Variants in PTK2B observed in about 807,000 individuals in gnomAD.
PTK2B encodes the protein protein tyrosine kinase 2 beta.
A neutral mutation model predicts 142.9 loss-of-function variants in PTK2B; 71 were observed. The ratio of observed to expected loss-of-function variants is 0.50; its 90% confidence interval spans 0.41 to 0.61. The LOEUF (loss-of-function observed/expected upper bound fraction) is 0.61, where lower values mean the gene tolerates loss of function less well. Ranked by LOEUF, PTK2B falls within the 20% of genes least tolerant of loss-of-function variation. The pLI, the probability that PTK2B is intolerant of heterozygous loss-of-function variation, is 0.00. For synonymous variants in PTK2B, 519 were observed against 503.4 expected (o/e 1.03, Z -0.42); for missense variants, 1,105 against 1,320.4 (o/e 0.84, Z 2.53).
At chr8:27,421,700 A>G (rs957057572) in intron 4 of PTK2B, among the ~76,000 whole-genome samples, 1 of 152,230 alleles carries the variant, frequency 6.6e-6, no homozygotes, top group African/African-American at 2.4e-5. Context: ...GCCTATTTCA[A>G]GCTACTAATA....
chr8:27,349,115 C>T (rs938915993), intron 1 of PTK2B, among the ~76,000 whole-genome samples: 1 of 152,128 alleles, frequency 6.6e-6, no homozygotes, highest in African/African-American at 2.4e-5. Context: ...CTTCTGGTGT[C>T]CTTATTAGAA....
intron 1 of PTK2B, among the ~76,000 whole-genome samples, chr8:27,338,239 C>T (rs1433680467): frequency 6.6e-6 from 1 of 152,112 alleles, no homozygotes; most frequent in Non-Finnish European, 1.5e-5. Context: ...CCACTCAGTA[C>T]ACTGCTTTTT....
At chr8:27,369,506 C>T (rs1437361833) in intron 1 of PTK2B, among the ~76,000 whole-genome samples, 1 of 151,708 alleles carries the variant, frequency 6.6e-6, no homozygotes, top group Non-Finnish European at 1.5e-5. Context: ...CCCATCTCTA[C>T]TAAAAATACA....
intron 2 of PTK2B, among the ~76,000 whole-genome samples, chr8:27,415,394 C>T (rs991398110): frequency 6.6e-5 from 10 of 152,176 alleles, no homozygotes; most frequent in Non-Finnish European, 1.5e-5. Context: ...GCAGAGAACA[C>T]AGATTTGTTA....
At chr8:27,377,765 G>C (rs893967161) in intron 1 of PTK2B, among the ~76,000 whole-genome samples, 1 of 152,168 alleles carries the variant, frequency 6.6e-6, no homozygotes, top group Non-Finnish European at 1.5e-5. Context: ...TTCTAAACAG[G>C]TGGGCACATT....
Position 27,454,545 on chromosome 8 carries a change from C to G in PTK2B, c.2748C>G (p.Thr916=). Residue 916 remains threonine, a synonymous_variant, in exon 30 of 31, where the codon ACC becomes ACG. Coordinates refer to ENST00000346049, the MANE Select transcript of PTK2B (RefSeq NM_173176.3). Reference sequence around the variant, plus strand: ...TCTCCCCCCAGAATGTGGGGCTGACCCTGCGGAAGCTCATCGGGAGCGTGG... The same window carrying G: ...TCTCCCCCCAGAATGTGGGGCTGACGCTGCGGAAGCTCATCGGGAGCGTGG... ...YVVVVKNVGL[T]LRKLIGSVDD... 1 of 1,614,176 alleles carries G rather than the reference C, an allele frequency of 6.2e-7. No individual in the cohort carries two copies. Among genetic ancestry groups the G allele is most frequent in the Non-Finnish European group, 8.5e-7 (1 of 1,180,016 alleles).
At chr8:27,354,108 C>CT (rs1453860130) in intron 1 of PTK2B, among the ~76,000 whole-genome samples, 1 of 152,176 alleles carries the variant, frequency 6.6e-6, no homozygotes, top group African/African-American at 2.4e-5. Flanking sequence ...TGGCTTAATT[C>CT]TTTCAGAACA....
chr8:27,397,939 A>G, intron 2 of PTK2B, 151 bp downstream of exon 2: 1 of 943,122 alleles, frequency 1.1e-6, no homozygotes. Flanking sequence ...CTCAGCCTGC[A>G]TCACCAGGCC....
chr8:27,388,497 TG>T (rs1453072417), intron 1 of PTK2B, among the ~76,000 whole-genome samples: 1 of 152,244 alleles, frequency 6.6e-6, no homozygotes, highest in Non-Finnish European at 1.5e-5. Flanking sequence ...CTTGAAGTAC[TG>T]GGTGGTGCCA....
intron 5 of PTK2B, among the ~76,000 whole-genome samples, chr8:27,429,553 AAT>A (rs1810281315): frequency 6.6e-6 from 1 of 152,228 alleles, no homozygotes; most frequent in Non-Finnish European, 1.5e-5. Context: ...ATATGAGTAA[AAT>A]ATTAATAGCT....
upstream of PTK2B, chr8:27,310,815 C>A: frequency 6.3e-7 from 1 of 1,599,258 alleles, no homozygotes; most frequent in Non-Finnish European, 8.5e-7. Flanking sequence ...AAGTCGTGGG[C>A]AGTGTCCTTC....
chr8:27,379,731 A>G (rs1379239321), intron 1 of PTK2B, among the ~76,000 whole-genome samples: 1 of 152,174 alleles, frequency 6.6e-6, no homozygotes, highest in Non-Finnish European at 1.5e-5. Flanking sequence ...CCAGGTGAGA[A>G]CAGCATCGCA....
At chr8:27,432,110 A>T (rs1337282362) in intron 9 of PTK2B, 150 bp from the exon 10 acceptor site, 16 of 627,248 alleles carry the variant, frequency 2.6e-5, no homozygotes, top group Non-Finnish European at 4.1e-5. Flanking sequence ...GAACTAGAGG[A>T]TCCTTCTAGC....
intron 10 of PTK2B, among the ~76,000 whole-genome samples, chr8:27,432,819 CTCTT>C (rs771171948): frequency 1.1e-4 from 16 of 151,966 alleles, no homozygotes; most frequent in East Asian, 5.8e-4. Context: ...CCTCCCCTTC[CTCTT>C]TCTTTCTTTC....
At chr8:27,323,314 A>G (rs1803265340), upstream of PTK2B, 1 of 152,268 alleles carries the variant, frequency 6.6e-6, no homozygotes, top group Non-Finnish European at 1.5e-5. Flanking sequence ...AGCCAGGGTT[A>G]TAGACCTGAG....
intron 4 of PTK2B, 37 bp downstream of exon 4, chr8:27,420,781 A>G (rs1411961483): frequency 1.9e-6 from 3 of 1,540,130 alleles, no homozygotes; most frequent in Middle Eastern, 1.7e-4. Flanking sequence ...CGAGGCTCCC[A>G]TTACACCTCA....
intron 1 of PTK2B, among the ~76,000 whole-genome samples, chr8:27,359,883 T>C (rs1274900195): frequency 6.6e-6 from 1 of 152,158 alleles, no homozygotes; most frequent in Admixed American, 6.5e-5. Flanking sequence ...CACAAGGGTC[T>C]GGAGCCTGAA....
chr8:27,363,397 A>G lies in PTK2B; in HGVS notation c.-37-34151A>G, dbSNP rs1374221804. 6.6e-6 allele frequency among the ~76,000 whole-genome samples: 1 copy of G among 152,178 alleles called. No homozygotes were observed. Among genetic ancestry groups the G allele is most frequent in the Non-Finnish European group, 1.5e-5 (1 of 68,022 alleles). ...TCTCCATGAGCAGGCCCAGGAAGTT[A>G]CAGAAAAGTAGATTTGGGATGAATA... is the stretch of plus-strand genomic sequence containing the variant. On this transcript the variant is annotated intron_variant, in intron 1 of 30. Transcript: ENST00000346049. This position sits in a 1 kb window ranked among gnomAD's most constrained non-coding sequence, Gnocchi z 4.3.
Position 27,451,093 on chromosome 8 carries a change from G to C in PTK2B, c.2523+15G>C, listed in dbSNP as rs1015424164. On this transcript the variant is annotated intron_variant, in intron 26 of 30. Transcript: ENST00000346049. The stretch of plus-strand genomic sequence containing the variant: ...AGTCCCCATTGGTGAGTTGCCAGGA[G>C]AGGCCGCCTCCTCCATGCCAAGGCC... 6.2e-7 allele frequency: 1 copy of C among 1,610,264 alleles called. No individual in the cohort carries two copies. The highest frequency in any genetic ancestry group is 1.3e-5 in the African/African-American group (1 of 74,850).
Sources: gnomAD v4.1 joint callset for allele counts (sites outside exome capture counted in the v4.1 genomes callset) on GRCh38, gnomAD v4.1.1 for gene constraint, Gnocchi (gnomAD v3.1) non-coding constraint, MANE v1.5 for transcripts, NCBI Gene and HGNC (gene_info 2026-07-23, HGNC 2026-07-21) for gene names.